Variants in HSPH1 observed in about 807,000 individuals in gnomAD.
HSPH1 encodes the protein heat shock protein 105 kDa.
A neutral mutation model predicts 100.0 loss-of-function variants in HSPH1; 40 were observed. The ratio of observed to expected loss-of-function variants is 0.40; its 90% CI spans 0.31 to 0.52. The LOEUF (loss-of-function observed/expected upper bound fraction) is 0.52. HSPH1 is among the 20% of genes least tolerant of loss of function. The pLI, the probability that HSPH1 is intolerant of heterozygous loss-of-function variation, is 0.54. For synonymous variants in HSPH1, 403 were observed against 344.0 expected, an observed-to-expected ratio of 1.17 and a Z score of -1.90; for missense variants, 876 against 1,015.1, an observed-to-expected ratio of 0.86 and a Z score of 1.86.
rs141066912 is a variant in HSPH1, at chr13:31,151,657, A to T, written c.615T>A (p.His205Gln). 11 of 1,613,090 alleles carry T rather than the reference A, an allele frequency of 6.8e-6. No homozygotes were observed. The African/African-American group carries it at 1.5e-4, about 22-fold the overall frequency. The change falls in exon 6 of 18, where the codon CAT (histidine) becomes CAA (glutamine). Residue 205 changes from histidine (H) to glutamine (Q), a missense_variant. His to Gln is a conservative substitution (Grantham distance 24). Transcript: ENST00000320027. Reference sequence around the variant, plus strand: ...CACAAGCAGACACTTGAAAAGCTGAATGTCCCATATCAACAAAAACCACTA... The same window carrying T: ...CACAAGCAGACACTTGAAAAGCTGATTGTCCCATATCAACAAAAACCACTA... ...PRIVVFVDMG[H>Q]SAFQVSACAF...
chr13:31,145,164 T>G (rs1242398330), intron 11 of HSPH1, among the ~76,000 whole-genome samples: 1 of 152,178 alleles, frequency 6.6e-6, no homozygotes, highest in Admixed American at 6.5e-5. Flanking sequence ...AAAGCCAATT[T>G]TGCCATACAA....
chr13:31,151,170 G>C lies in HSPH1; in HGVS notation c.685C>G (p.Pro229Ala). 1 of 1,611,338 alleles carries C rather than the reference G, an allele frequency of 6.2e-7. No individual in the cohort carries two copies. Among genetic ancestry groups the C allele is most frequent in the Non-Finnish European group, 8.5e-7 (1 of 1,178,394 alleles). The change falls in exon 7 of 18, where the codon CCT (proline) becomes GCT (alanine). Residue 229 changes from proline (P) to alanine (A), a missense_variant. Coordinates refer to ENST00000320027, the MANE Select transcript of HSPH1 (RefSeq NM_006644.4). ...KLKVLGTAFD[P>A]FLGGKNFDEK... ...TCGAAGTTTTTTCCTCCTAAGAAAG[G>C]ATCAAAAGCTGTTCCCAGTACCTAA...
At chr13:31,161,047 G>A (rs1306390269) in intron 1 of HSPH1, among the ~76,000 whole-genome samples, 3 of 152,228 alleles carry the variant, frequency 2.0e-5, no homozygotes, top group Admixed American at 6.5e-5. Flanking sequence ...GAAGGGAGGA[G>A]GACAAGCTGG....
intron 16 of HSPH1, 81 bp downstream of exon 16, chr13:31,138,700 T>C (rs1955973669): frequency 1.3e-6 from 2 of 1,542,292 alleles, no homozygotes; most frequent in East Asian, 2.3e-5. Flanking sequence ...GTTAAGACTA[T>C]TCATGATGAT....
At chr13:31,158,273 C>T (rs1396222614) in intron 2 of HSPH1, among the ~76,000 whole-genome samples, 1 of 152,000 alleles carries the variant, frequency 6.6e-6, no homozygotes, top group East Asian at 1.9e-4. Flanking sequence ...AGTCAGCAGG[C>T]CAGGCGTAGG....
chr13:31,158,706 ATAAACT>A (rs1956791325), intron 2 of HSPH1, 94 bp downstream of exon 2: 1 of 741,700 alleles, frequency 1.3e-6, no homozygotes, highest in Admixed American at 2.2e-5. Flanking sequence ...TCAAAAATAC[ATAAACT>A]TAGGCACACT....
chr13:31,157,948 A>C (rs1455622652), intron 2 of HSPH1, among the ~76,000 whole-genome samples: 1 of 152,226 alleles, frequency 6.6e-6, no homozygotes, highest in African/African-American at 2.4e-5. Context: ...AATTCGATTA[A>C]AAAGTAAAAA....
chr13:31,144,045 A>G lies in HSPH1; in HGVS notation c.1585-122T>C, dbSNP rs753210752. On this transcript the variant is annotated intron_variant, in intron 11 of 17. Transcript: ENST00000320027. ...TGAAATCTTAACAGGTGGGGAGAAA[A>G]GGTACTGGATAAAAACAAAATGAAC... The G allele has an allele frequency of 1.2e-4, 94 of 804,892 alleles. 1 individual carries two copies. The highest frequency in any genetic ancestry group is 9.7e-4 in the African/African-American group (54 of 55,588). 49.9% of individuals were successfully genotyped at this position (804,892 alleles called of 1,614,324 possible).
chr13:31,160,979 T>C (rs764127154), intron 1 of HSPH1, among the ~76,000 whole-genome samples: 1 of 152,136 alleles, frequency 6.6e-6, no homozygotes, highest in African/African-American at 2.4e-5. Context: ...ATTTCGAGAT[T>C]CACAATGCGG....
At position 31,137,393 on chromosome 13, in the gene HSPH1, A is replaced by G. The variant is rs1294995283; in HGVS notation, c.2502T>C (p.Phe834=). The change falls in exon 18 of 18, where the codon TTT becomes TTC. Residue 834 remains phenylalanine, a synonymous_variant. Transcript: ENST00000320027. ...CATTCTGATGTGGAGGTTCAGCACC[A>G]AAATTGTTTTTGTCTTCTAAATCTT... ...KEEDLEDKNN[F]GAEPPHQNGE... The G allele has an allele frequency of 1.2e-6, 2 of 1,613,554 alleles. No homozygotes were observed. The highest frequency in any genetic ancestry group is 1.7e-6 in the Non-Finnish European group (2 of 1,179,600).
intron 10 of HSPH1, among the ~76,000 whole-genome samples, chr13:31,146,396 G>A (rs1024475588): frequency 6.6e-6 from 1 of 152,088 alleles, no homozygotes; most frequent in African/African-American, 2.4e-5. Flanking sequence ...CTAAGATACT[G>A]ATAACAAGCA....
rs749173766 is a variant in HSPH1, at chr13:31,151,621, C to T, written c.651G>A (p.Lys217=). The part of the protein sequence containing the change: ...AFQVSACAFN[K]GKLKVLGTAF... ...TGTATGACTTTACCTTCAATTTTCC[C>T]TTGTTAAAAGCACAAGCAGACACTT... Residue 217 remains lysine, a synonymous_variant, in exon 6 of 18, where the codon AAG becomes AAA. Coordinates refer to ENST00000320027, the MANE Select transcript of HSPH1 (RefSeq NM_006644.4). 2 of 1,609,520 alleles carry T rather than the reference C, an allele frequency of 1.2e-6. No individual in the cohort carries two copies. Among genetic ancestry groups the T allele is most frequent in the Admixed American group, 3.4e-5 (2 of 58,864 alleles).
Position 31,154,651 on chromosome 13 carries a change from T to G in HSPH1, c.411A>C (p.Val137=). ...ETAENSLKKP[V]TDCVISVPSF... ...TACTTACTGAAATAACACAATCTGT[T>G]ACTGGTTTCTTGAGGCTGTTTTCAG... is the stretch of plus-strand genomic sequence containing the variant. Residue 137 remains valine (V), a synonymous_variant, in exon 4 of 18, where the codon GTA becomes GTC. Transcript: ENST00000320027. 2 of 1,614,118 alleles carry G rather than the reference T, an allele frequency of 1.2e-6. No homozygotes were observed. The highest frequency in any genetic ancestry group is 1.7e-6 in the Non-Finnish European group (2 of 1,179,968).
In HSPH1 at chr13:31,161,479, G is replaced by T; in HGVS notation, c.104C>A (p.Thr35Asn). The T allele has an allele frequency of 1.2e-6, 2 of 1,614,008 alleles. No individual in the cohort carries two copies. Among genetic ancestry groups the T allele is most frequent in the Non-Finnish European group, 1.7e-6 (2 of 1,179,952 alleles). ...ACCCTCGCAGACTCCCACTTACGGG[G>T]TGCACCGGTCGCTGAACTCATTGGC... The part of the protein sequence containing the change: ...TIANEFSDRC[T>N]PSVISFGSKN... The change falls in exon 1 of 18, where the codon ACC becomes AAC. Residue 35 changes from threonine (T) to asparagine (N), a missense_variant. Physicochemically the swap from Thr to Asn is moderately conservative, Grantham distance 65. Coordinates refer to ENST00000320027, the MANE Select transcript of HSPH1 (RefSeq NM_006644.4).
At chr13:31,154,569 T>G in intron 4 of HSPH1, 64 bp downstream of exon 4, 1 of 1,589,204 alleles carries the variant, frequency 6.3e-7, no homozygotes, top group Non-Finnish European at 8.6e-7. Context: ...CATTTCATAC[T>G]TAAAAGTAAT....
Position 31,145,456 on chromosome 13 carries a change from T to G in HSPH1, c.1584+107A>C, listed in dbSNP as rs1319362285. 3 of 797,934 alleles carry G rather than the reference T, an allele frequency of 3.8e-6. No individual in the cohort carries two copies. The African/African-American group carries it at 5.2e-5, about 14-fold the overall frequency. 49.4% of individuals were successfully genotyped at this position (797,934 alleles called of 1,614,324 possible). ...TCATTACCTAAAATTCTGATCAAAA[T>G]TATTCATGAAGGAAAACATTCATTT... is the stretch of plus-strand genomic sequence containing the variant. On this transcript the variant is annotated intron_variant, in intron 11 of 17. Coordinates refer to ENST00000320027, the MANE Select transcript of HSPH1 (RefSeq NM_006644.4).
chr13:31,137,039 A>G lies in HSPH1; in HGVS notation c.*279T>C, dbSNP rs752989488. The G allele has an allele frequency of 1.8e-6, 1 of 560,132 alleles. No individual in the cohort carries two copies. The highest frequency in any genetic ancestry group is 1.9e-5 in the African/African-American group (1 of 52,286). 34.7% of individuals were successfully genotyped at this position (560,132 alleles called of 1,614,324 possible). On this transcript the variant is annotated 3_prime_UTR_variant, in exon 18 of 18. Coordinates refer to ENST00000320027, the MANE Select transcript of HSPH1 (RefSeq NM_006644.4). Reference sequence around the variant, plus strand: ...TACAGTTTTTTTTCTCCAAAAGACAAAAGTCAGTTTCATCCTCAGTGATGC... The same window carrying G: ...TACAGTTTTTTTTCTCCAAAAGACAGAAGTCAGTTTCATCCTCAGTGATGC...
intron 2 of HSPH1, among the ~76,000 whole-genome samples, chr13:31,158,545 T>A: frequency 1.3e-5 from 1 of 74,758 alleles, no homozygotes. Context: ...CGAGACTCTA[T>A]CTCAAAAAAA....
In HSPH1 at chr13:31,152,841, C is replaced by T; in HGVS notation, c.529+11G>A. 6.3e-7 allele frequency: 1 copy of T among 1,577,670 alleles called. No individual in the cohort carries two copies. Among genetic ancestry groups the T allele is most frequent in the Non-Finnish European group, 8.7e-7 (1 of 1,147,264 alleles). ...AGTATATTCACTTCCACACAAATGC[C>T]TTTTCCTTACCAGCTGTCATGTCAT... On this transcript the variant is annotated intron_variant, in intron 5 of 17. Transcript: ENST00000320027.
Sources: allele counts gnomAD v4.1 joint callset (sites outside exome capture counted in the v4.1 genomes callset), GRCh38; gene constraint gnomAD v4.1.1; transcripts MANE v1.5; gene names NCBI Gene and HGNC (gene_info 2026-07-23, HGNC 2026-07-21).